CNTN5: variants seen among roughly 807,000 people sequenced by gnomAD.
CNTN5 encodes contactin-5.
A neutral mutation model predicts 129.1 loss-of-function variants in CNTN5; 77 were observed. The observed-to-expected ratio is 0.60, with a 90% CI of 0.50 to 0.72. The LOEUF is 0.72. Ranked by LOEUF, CNTN5 falls within the 30% of genes least tolerant of loss-of-function variation. The pLI, the probability that CNTN5 is intolerant of heterozygous loss-of-function variation, is 0.00. For synonymous variants in CNTN5, 509 were observed against 465.6 expected (o/e 1.09, Z -1.20); for missense variants, 1,478 against 1,328.8 (o/e 1.11, Z -1.75).
intron 13 of CNTN5, among the ~76,000 whole-genome samples, chr11:100,185,312 T>A (rs1948265906): frequency 6.6e-6 from 1 of 152,098 alleles, no homozygotes; most frequent in Non-Finnish European, 1.5e-5. Flanking sequence ...TTCTAGCTTT[T>A]TGCAACTATT....
chr11:100,046,310 G>T (rs979935364), intron 9 of CNTN5, among the ~76,000 whole-genome samples: 2 of 152,148 alleles, frequency 1.3e-5, no homozygotes, highest in Non-Finnish European at 2.9e-5. Context: ...AGTACCAAGA[G>T]TAACAATAAT....
At chr11:99,897,641 A>G (rs1245112746) in intron 6 of CNTN5, among the ~76,000 whole-genome samples, 1 of 152,174 alleles carries the variant, frequency 6.6e-6, no homozygotes, top group Non-Finnish European at 1.5e-5. Flanking sequence ...GAAATGCTCA[A>G]AGGAATTCTA....
At chr11:100,225,904 T>C (rs1233131977) in intron 16 of CNTN5, among the ~76,000 whole-genome samples, 5 of 152,152 alleles carry the variant, frequency 3.3e-5, no homozygotes, top group Non-Finnish European at 5.9e-5. Context: ...ATCATCTCTA[T>C]GTTTTAGTTA....
chr11:100,234,934 C>G (rs1949578555), intron 16 of CNTN5, among the ~76,000 whole-genome samples: 1 of 151,762 alleles, frequency 6.6e-6, no homozygotes, highest in South Asian at 2.1e-4. Flanking sequence ...TGCCCCAATT[C>G]TGGGGCAAAA....
intron 15 of CNTN5, among the ~76,000 whole-genome samples, chr11:100,200,020 C>CT (rs1948740420): frequency 6.6e-6 from 1 of 151,928 alleles, no homozygotes; most frequent in South Asian, 2.1e-4. Flanking sequence ...CTGTTAAAAT[C>CT]TGTTTTCATA....
At chr11:99,037,084 T>A in intron 1 of CNTN5, among the ~76,000 whole-genome samples, 1 of 152,228 alleles carries the variant, frequency 6.6e-6, no homozygotes, top group Non-Finnish European at 1.5e-5. Flanking sequence ...CCAGTGGAGA[T>A]CCAATGAAGA....
At chr11:100,260,521 G>A (rs2212445) in intron 17 of CNTN5, among the ~76,000 whole-genome samples, 133,011 of 152,264 alleles carry the variant, frequency 0.87, 58,209 homozygotes, top group East Asian at 0.99. Context: ...AATATCCCTG[G>A]TGAATATCAC....
At chr11:99,759,693 AAGGG>A (rs748128103) in intron 3 of CNTN5, among the ~76,000 whole-genome samples, 4 of 143,678 alleles carry the variant, frequency 2.8e-5, no homozygotes, top group Non-Finnish European at 4.6e-5. Flanking sequence ...GCATAAGAAA[AAGGG>A]AGGGAGGGAG....
At position 99,358,843 on chromosome 11, in the gene CNTN5, C is replaced by T. The variant is rs185080852; in HGVS notation, c.-71+33359C>T. 6.0e-3 allele frequency among the ~76,000 whole-genome samples: 911 copies of T among 152,154 alleles called. 7 individuals are homozygous for T. The highest frequency in any genetic ancestry group is 8.6e-3 in the Non-Finnish European group (585 of 67,998). On this transcript the variant is annotated intron_variant, in intron 2 of 24. Transcript: ENST00000524871. ...AGAAAATTAGATTACACCTAGGAAA[C>T]TCAAACCCCTCAGAATTATGTATGC...
At position 99,971,310 on chromosome 11, in the gene CNTN5, C is replaced by T. The variant is rs544863113; in HGVS notation, c.877+14301C>T. The stretch of plus-strand genomic sequence containing the variant: ...CTGTAATCCCAGCACTTTGGGAGGC[C>T]AGGGCAGGTGGATCATGAGGTCAGG... On this transcript the variant is annotated intron_variant, in intron 8 of 24. Transcript: ENST00000524871. Among the ~76,000 whole-genome samples, 536 of 151,720 alleles carry T rather than the reference C, an allele frequency of 3.5e-3. 3 individuals carry two copies. Among genetic ancestry groups the T allele is most frequent in the African/African-American group, 0.012 (486 of 41,182 alleles).
chr11:100,313,862 A>G (rs1951524113), intron 21 of CNTN5, among the ~76,000 whole-genome samples: 1 of 152,120 alleles, frequency 6.6e-6, no homozygotes, highest in Non-Finnish European at 1.5e-5. Context: ...AAAAAAAGTT[A>G]AAGGAGTTGA....
intron 16 of CNTN5, among the ~76,000 whole-genome samples, chr11:100,230,043 C>T (rs920381960): frequency 1.3e-5 from 2 of 152,098 alleles, no homozygotes; most frequent in Non-Finnish European, 2.9e-5. Flanking sequence ...GTCAAAAAGA[C>T]AATGACAAAT....
chr11:99,428,561 A>C (rs1055539171), intron 2 of CNTN5, among the ~76,000 whole-genome samples: 1 of 143,186 alleles, frequency 7.0e-6, no homozygotes, highest in African/African-American at 2.7e-5. Context: ...CCCTGTCTCA[A>C]AAAAAAAAAA....
rs148284611 is a variant in CNTN5, at chr11:99,951,727, A to G, written c.674-5079A>G. On this transcript the variant is annotated intron_variant, in intron 7 of 24. Coordinates refer to ENST00000524871, the MANE Select transcript of CNTN5 (RefSeq NM_014361.4). ...ACATTCCAGATTGTTAAAACTGTCT[A>G]TATTACTATAATAAATAGAGACTCA... is the stretch of plus-strand genomic sequence containing the variant. Among the ~76,000 whole-genome samples the G allele has an allele frequency of 5.4e-3, 829 of 152,246 alleles. 11 individuals carry two copies. Among genetic ancestry groups the G allele is most frequent in the African/African-American group, 0.019 (797 of 41,552 alleles).
intron 1 of CNTN5, among the ~76,000 whole-genome samples, chr11:99,052,579 A>G (rs916880670): frequency 1.3e-5 from 2 of 151,872 alleles, no homozygotes; most frequent in Non-Finnish European, 2.9e-5. Context: ...ATTTCTAAGA[A>G]CATATCCCTA....
chr11:100,325,752 G>A (rs533512514), intron 21 of CNTN5, among the ~76,000 whole-genome samples: 1 of 152,190 alleles, frequency 6.6e-6, no homozygotes, highest in Non-Finnish European at 1.5e-5. Context: ...GGGAGATAAA[G>A]TCTAGAAATG....
At chr11:99,720,099 T>C (rs1470912267) in intron 3 of CNTN5, among the ~76,000 whole-genome samples, 1 of 152,066 alleles carries the variant, frequency 6.6e-6, no homozygotes, top group Non-Finnish European at 1.5e-5. Flanking sequence ...TTCTACCAGA[T>C]GTACAAAGAA....
At chr11:99,934,519 C>G (rs1252674777) in intron 7 of CNTN5, among the ~76,000 whole-genome samples, 3 of 152,076 alleles carry the variant, frequency 2.0e-5, no homozygotes, top group Admixed American at 2.0e-4. Flanking sequence ...TTATTCGTAT[C>G]CCCCACCACC....
chr11:99,060,434 C>T (rs1167226497), intron 1 of CNTN5, among the ~76,000 whole-genome samples: 1 of 151,938 alleles, frequency 6.6e-6, no homozygotes, highest in Non-Finnish European at 1.5e-5. Flanking sequence ...CCACAAATTG[C>T]AGAACTGAAA....
Sources: gnomAD v4.1 joint callset for allele counts (sites outside exome capture counted in the v4.1 genomes callset) on GRCh38, gnomAD v4.1.1 for gene constraint, MANE v1.5 for transcripts, NCBI Gene and HGNC (gene_info 2026-07-23, HGNC 2026-07-21) for gene names.